The following PLA2G6 variants were observed in gnomAD, a reference collection of about 807,000 sequenced individuals.
PLA2G6 encodes the protein 85/88 kDa calcium-independent phospholipase A2.
PLA2G6 carries 62 observed loss-of-function variants against 83.8 expected under a neutral mutation model. The ratio of observed to expected loss-of-function variants is 0.74; its 90% CI spans 0.60 to 0.91. The LOEUF is 0.91. PLA2G6 is among the 40% of genes least tolerant of loss of function. The pLI is 0.00. For synonymous variants in PLA2G6, 417 were observed against 449.8 expected (o/e 0.93, Z 0.92); for missense variants, 944 against 1,102.0 (o/e 0.86, Z 2.03).
rs1164949671 is a variant in PLA2G6 at position 38,120,756 on chromosome 22, T to C, written c.1742+3A>G. On this transcript the variant is annotated splice_donor_region_variant and intron_variant, in intron 12 of 16. Transcript: ENST00000332509. ...GCCACGGCCCCAGTGCGCCAGGGCTTACTTGGGTTTCCTGACGTCCGTCAT... is the reference window on the plus strand; with the variant it reads ...GCCACGGCCCCAGTGCGCCAGGGCTCACTTGGGTTTCCTGACGTCCGTCAT... 1 of 1,613,568 alleles carries C rather than the reference T, an allele frequency of 6.2e-7. No individual in the cohort carries two copies. Among genetic ancestry groups the C allele is most frequent in the African/African-American group, 1.3e-5 (1 of 75,042 alleles).
At chr22:38,153,405 C>G (rs918294619) in intron 2 of PLA2G6, among the ~76,000 whole-genome samples, 1 of 152,176 alleles carries the variant, frequency 6.6e-6, no homozygotes, top group Non-Finnish European at 1.5e-5. Context: ...AAGTGTGAAG[C>G]GACAGCCTTG....
rs1444616871 is a variant in PLA2G6, at chr22:38,112,173, C to T, written c.2409G>A (p.Leu803=). ...AGGCTGGGGACCCTCAGGGTGAGAG[C>T]AGCAGCTGGATGAGCTTCTGGAACT... ...REEFQKLIQL[L]LSP is the part of the protein sequence containing the mutation. Residue 803 remains leucine (L), a synonymous_variant, in exon 17 of 17, where the codon CTG becomes CTA. Transcript: ENST00000332509. The T allele has an allele frequency of 1.3e-6, 2 of 1,585,468 alleles. No homozygotes were observed. Among genetic ancestry groups the T allele is most frequent in the South Asian group, 1.2e-5 (1 of 86,928 alleles).
chr22:38,171,510 T>A lies in PLA2G6; in HGVS notation c.-45-2039A>T, dbSNP rs1293012676. ...ACAGGTGTGTATCACCAGGCCTAGG[T>A]AATTTCTTCCAAACAATTTTTATAG... On this transcript the variant is annotated intron_variant, in intron 1 of 16. Transcript: ENST00000332509. 2.0e-5 allele frequency among the ~76,000 whole-genome samples: 3 copies of A among 151,850 alleles called. 1 individual carries two copies. Among genetic ancestry groups the A allele is most frequent in the African/African-American group, 7.3e-5 (3 of 41,344 alleles).
intron 2 of PLA2G6, among the ~76,000 whole-genome samples, chr22:38,157,067 T>C (rs1292553337): frequency 6.6e-6 from 1 of 151,772 alleles, no homozygotes; most frequent in African/African-American, 2.4e-5. Context: ...CTTAAAGAAC[T>C]AGAAAAGAGC....
In PLA2G6 at chr22:38,143,231, G is replaced by C. The variant is rs751190944; in HGVS notation, c.483C>G (p.Arg161=). 1 of 1,614,106 alleles carries C rather than the reference G, an allele frequency of 6.2e-7. No homozygotes were observed. Among genetic ancestry groups the C allele is most frequent in the Non-Finnish European group, 8.5e-7 (1 of 1,180,020 alleles). The part of the protein sequence containing the change: ...EGCTPLHLAC[R]KGDGEILVEL... ...CCACCAGGATCTCCCCATCACCCTT[G>C]CGGCAGGCCAGGTGCAGGGGTGTGC... Residue 161 remains arginine (R), a synonymous_variant, in exon 4 of 17, where the codon CGC becomes CGG. Coordinates refer to ENST00000332509, the MANE Select transcript of PLA2G6 (RefSeq NM_003560.4).
At chr22:38,155,095 C>T (rs1033854853) in intron 2 of PLA2G6, among the ~76,000 whole-genome samples, 9 of 151,998 alleles carry the variant, frequency 5.9e-5, no homozygotes, top group African/African-American at 9.7e-5. Flanking sequence ...GGCGTGGTGG[C>T]GGGCGCCTGT....
intron 2 of PLA2G6, among the ~76,000 whole-genome samples, chr22:38,152,872 T>C (rs1259920246): frequency 6.6e-6 from 1 of 151,980 alleles, no homozygotes; most frequent in African/African-American, 2.4e-5. Flanking sequence ...AGCATTATGC[T>C]AAGTGAAAAA....
chr22:38,126,519 A>G (rs1464725949), intron 9 of PLA2G6, 70 bp from the exon 10 acceptor site: 5 of 1,172,988 alleles, frequency 4.3e-6, no homozygotes, highest in Non-Finnish European at 6.3e-6. Flanking sequence ...AGAGGTCCCT[A>G]GATCAAACCT....
rs763091381 is a variant in PLA2G6, at chr22:38,140,118, G to A, written c.661C>T (p.Leu221=). 1.9e-6 allele frequency: 3 copies of A among 1,614,176 alleles called. No homozygotes were observed. The highest frequency in any genetic ancestry group is 8.5e-7 in the Non-Finnish European group (1 of 1,180,028). Residue 221 remains leucine, a synonymous_variant, in exon 5 of 17, where the codon CTG becomes TTG. Transcript: ENST00000332509. ...TGGCAGGCCAGGTGCAGCGGGGTCAGCCCTTGGTTATTCACCTGGTTCAGG... is the reference window on the plus strand; with the variant it reads ...TGGCAGGCCAGGTGCAGCGGGGTCAACCCTTGGTTATTCACCTGGTTCAGG... ...AGLNQVNNQG[L]TPLHLACQLG...
intron 1 of PLA2G6, chr22:38,180,478 C>T (rs1030534046): frequency 2.0e-5 from 3 of 151,932 alleles, no homozygotes; most frequent in South Asian, 2.1e-4. Context: ...TCAGACAGTC[C>T]GTAAATATTT....
chr22:38,171,882 G>A (rs892501196), intron 1 of PLA2G6, among the ~76,000 whole-genome samples: 3 of 151,420 alleles, frequency 2.0e-5, no homozygotes, highest in Non-Finnish European at 4.4e-5. Context: ...GGCTGGTCTC[G>A]AACGCCCGGG....
chr22:38,139,918 G>A (rs1223747212), intron 5 of PLA2G6, 64 bp downstream of exon 5: 15 of 1,335,794 alleles, frequency 1.1e-5, no homozygotes, highest in South Asian at 5.0e-5. Flanking sequence ...CCTCAGGCAC[G>A]GGACAGGTGA....
At chr22:38,169,134 A>T in intron 2 of PLA2G6, 84 bp downstream of exon 2, 1 of 1,073,722 alleles carries the variant, frequency 9.3e-7, no homozygotes, top group African/African-American at 1.6e-5. Context: ...ACTCAAAGAA[A>T]CTGCTTCTCG....
chr22:38,113,873 C>T (rs1366446045), intron 14 of PLA2G6: 1 of 670,074 alleles, frequency 1.5e-6, no homozygotes, highest in South Asian at 1.5e-5. Context: ...CTGCTCAGGA[C>T]AGCATCTGTG....
intron 10 of PLA2G6, among the ~76,000 whole-genome samples, chr22:38,124,719 G>A (rs1287012933): frequency 2.6e-5 from 4 of 152,176 alleles, no homozygotes; most frequent in African/African-American, 7.2e-5. Context: ...TCTGGGCAGC[G>A]CTGTGTGTCA....
chr22:38,119,019 C>T (rs2087372902), intron 12 of PLA2G6, among the ~76,000 whole-genome samples: 1 of 152,202 alleles, frequency 6.6e-6, no homozygotes, highest in South Asian at 2.1e-4. Flanking sequence ...GCCTCAGCCT[C>T]CCAAAGAGCT....
chr22:38,141,548 A>G (rs1357505938), intron 4 of PLA2G6: 2 of 152,034 alleles, frequency 1.3e-5, no homozygotes, highest in Non-Finnish European at 1.5e-5. Flanking sequence ...TGTAAGGTCA[A>G]GCCCCACTCT....
Position 38,128,340 on chromosome 22 carries a change from C to A in PLA2G6, c.1277G>T (p.Gly426Val), listed in dbSNP as rs757570398. 14 of 1,613,618 alleles carry A rather than the reference C, an allele frequency of 8.7e-6. No individual in the cohort carries two copies. The highest frequency in any genetic ancestry group is 1.2e-5 in the Non-Finnish European group (14 of 1,179,998). Residue 426 changes from glycine to valine, a missense_variant, in exon 9 of 17, where the codon GGC becomes GTC. Coordinates refer to ENST00000332509, the MANE Select transcript of PLA2G6 (RefSeq NM_003560.4). This position sits in a 1 kb window ranked among gnomAD's most constrained non-coding sequence, Gnocchi z 4.4. Reference sequence around the variant, plus strand: ...GAAGGGATGATGTGGCGCTGCAGAGCCCTGCTCCGCGGGGACCCCGTGGAT... The same window carrying A: ...GAAGGGATGATGTGGCGCTGCAGAGACCTGCTCCGCGGGGACCCCGTGGAT... ...PPIHGVPAEQ[G>V]SAAPHHPFSL...
At position 38,135,019 on chromosome 22, in the gene PLA2G6, G is replaced by C; in HGVS notation, c.863C>G (p.Ala288Gly). The C allele has an allele frequency of 6.2e-7, 1 of 1,613,534 alleles. No homozygotes were observed. Among genetic ancestry groups the C allele is most frequent in the South Asian group, 1.1e-5 (1 of 91,078 alleles). ...QIHSKDPRYG[A>G]SPLHWAKNAE... ...GTTCTTGGCCCAGTGGAGGGGGCTG[G>C]CTCCGTAACGGGGGTCTTTGCTGTG... Residue 288 changes from alanine (A) to glycine (G), a missense_variant, in exon 6 of 17, where the codon GCC becomes GGC. Physicochemically the swap from Ala to Gly is moderately conservative, Grantham distance 60. Transcript: ENST00000332509.
Sources: gnomAD v4.1 joint callset for allele counts (sites outside exome capture counted in the v4.1 genomes callset) on GRCh38, gnomAD v4.1.1 for gene constraint, Gnocchi (gnomAD v3.1) non-coding constraint, MANE v1.5 for transcripts, NCBI Gene and HGNC (gene_info 2026-07-23, HGNC 2026-07-21) for gene names.